SLC2A5: variants seen among roughly 807,000 people sequenced by gnomAD.
SLC2A5 encodes solute carrier family 2 member 5, also known as solute carrier family 2, facilitated glucose transporter member 5.
A neutral mutation model predicts 50.3 loss-of-function variants in SLC2A5; 56 were observed. That is an observed-to-expected ratio of 1.11 (90% CI 0.90 to 1.39). The LOEUF (loss-of-function observed/expected upper bound fraction) is 1.39. Among genes scored for constraint, SLC2A5 ranks in the 40% most tolerant of loss-of-function variants. The pLI is 0.00. For synonymous variants in SLC2A5, 269 were observed against 281.9 expected, an observed-to-expected ratio of 0.95 and a Z score of 0.46; for missense variants, 566 against 650.1, an observed-to-expected ratio of 0.87 and a Z score of 1.41.
intron 3 of SLC2A5, among the ~76,000 whole-genome samples, chr1:9,049,700 A>G (rs751149300): frequency 3.0e-4 from 20 of 66,624 alleles, no homozygotes; most frequent in Non-Finnish European, 4.9e-4. Flanking sequence ...GACTCTGTCT[A>G]AAGAAAAAAA....
intron 4 of SLC2A5, among the ~76,000 whole-genome samples, chr1:9,043,879 G>A (rs1344173002): frequency 4.0e-5 from 6 of 151,672 alleles, no homozygotes; most frequent in Admixed American, 1.3e-4. Context: ...CCGCCACCAC[G>A]CCTGGCTAAT....
chr1:9,081,498 A>G (rs1164250008), intron 2 of SLC2A5, among the ~76,000 whole-genome samples: 2 of 150,358 alleles, frequency 1.3e-5, no homozygotes, highest in African/African-American at 2.4e-5. Flanking sequence ...AAGTAAAAAG[A>G]CAAGAGACTA....
chr1:9,079,769 G>A (rs367708324), intron 2 of SLC2A5, among the ~76,000 whole-genome samples: 6 of 152,206 alleles, frequency 3.9e-5, no homozygotes, highest in Admixed American at 3.9e-4. Context: ...TTACAGGCGT[G>A]AGCCACCACG....
intron 1 of SLC2A5, among the ~76,000 whole-genome samples, chr1:9,058,649 A>G (rs770594710): frequency 3.9e-5 from 6 of 152,238 alleles, no homozygotes; most frequent in Non-Finnish European, 7.3e-5. Context: ...CTAACACTGC[A>G]GCTACTGCAG....
upstream of SLC2A5, chr1:9,073,122 T>C (rs1322772800): frequency 1.3e-5 from 2 of 152,194 alleles, no homozygotes; most frequent in Admixed American, 1.3e-4. Flanking sequence ...GACCAGACAA[T>C]GATACCAGGA....
intron 1 of SLC2A5, among the ~76,000 whole-genome samples, chr1:9,066,977 C>CA (rs1275310444): frequency 7.2e-6 from 1 of 138,520 alleles, no homozygotes; most frequent in Non-Finnish European, 1.6e-5. Context: ...GACCCTGTCT[C>CA]AAAATTAAAA....
chr1:9,042,372 G>T (rs1641324926), intron 4 of SLC2A5, among the ~76,000 whole-genome samples: 3 of 152,058 alleles, frequency 2.0e-5, no homozygotes, highest in African/African-American at 7.2e-5. Flanking sequence ...ACCAGCCTGG[G>T]CAACATAGTG....
upstream of SLC2A5, chr1:9,071,668 A>T (rs1642213671): frequency 6.6e-6 from 1 of 152,246 alleles, no homozygotes; most frequent in Non-Finnish European, 1.5e-5. Flanking sequence ...TGCGGGCCGC[A>T]GTACCCGGTT....
chr1:9,064,780 G>A (rs570869737), intron 1 of SLC2A5, among the ~76,000 whole-genome samples: 1 of 152,196 alleles, frequency 6.6e-6, no homozygotes, highest in South Asian at 2.1e-4. Flanking sequence ...GGCCAGGCGC[G>A]GTGGCTCACA....
At chr1:9,051,716 G>A (rs1228753279) in intron 3 of SLC2A5, among the ~76,000 whole-genome samples, 1 of 152,154 alleles carries the variant, frequency 6.6e-6, no homozygotes, top group Non-Finnish European at 1.5e-5. Context: ...AGACAGTTTG[G>A]CAGTTTCCTA....
At chr1:9,079,037 C>T (rs114500831) in intron 2 of SLC2A5, among the ~76,000 whole-genome samples, 1,824 of 152,248 alleles carry the variant, frequency 0.012, 42 homozygotes, top group African/African-American at 0.041. Flanking sequence ...TGCCCACGCG[C>T]GGTGTCTCCC....
chr1:9,055,976 G>A (rs1056370465), intron 3 of SLC2A5, among the ~76,000 whole-genome samples: 8 of 152,272 alleles, frequency 5.3e-5, no homozygotes, highest in Non-Finnish European at 8.8e-5. Flanking sequence ...TAGCCAAATA[G>A]TGTTTATCAG....
Position 9,039,878 on chromosome 1 carries a change from G to A in SLC2A5, c.807C>T (p.Phe269=), listed in dbSNP as rs749076748. The change falls in exon 7 of 12, where the codon TTC becomes TTT. Residue 269 remains phenylalanine, a synonymous_variant. Coordinates refer to ENST00000377424, the MANE Select transcript of SLC2A5 (RefSeq NM_003039.3). ...AAGFISVLKL[F]RMRSLRWQLL... is the part of the protein sequence containing the mutation. ...GCTGCCAGCGCAGCGAGCGCATCCG[G>A]AACAGCTTCAGCACGGAGATGAAGC... 1 of 1,612,602 alleles carries A rather than the reference G, an allele frequency of 6.2e-7. No homozygotes were observed. Among genetic ancestry groups the A allele is most frequent in the South Asian group, 1.1e-5 (1 of 91,054 alleles).
intron 3 of SLC2A5, 104 bp from the exon 4 acceptor site, chr1:9,047,838 A>C (rs1224872836): frequency 1.6e-6 from 2 of 1,237,996 alleles, no homozygotes; most frequent in African/African-American, 3.0e-5. Flanking sequence ...CAGTTACAGC[A>C]GCTTTACTGC....
chr1:9,067,296 TC>T (rs1291271813), intron 1 of SLC2A5, among the ~76,000 whole-genome samples: 3 of 152,064 alleles, frequency 2.0e-5, no homozygotes, highest in Non-Finnish European at 4.4e-5. Flanking sequence ...GGGAAGCCCA[TC>T]CCCACCTTCA....
At chr1:9,041,158 G>A (rs540560326) in intron 5 of SLC2A5, 123 of 378,106 alleles carry the variant, frequency 3.3e-4, no homozygotes, top group Non-Finnish European at 4.4e-4. Context: ...GAACCCTGGC[G>A]GGAACTGGCT....
At chr1:9,046,555 T>C (rs936044088) in intron 4 of SLC2A5, among the ~76,000 whole-genome samples, 2 of 152,160 alleles carry the variant, frequency 1.3e-5, no homozygotes, top group Non-Finnish European at 2.9e-5. Context: ...GTGGCACTGT[T>C]AGCACCTTTC....
intron 3 of SLC2A5, among the ~76,000 whole-genome samples, chr1:9,057,222 G>A (rs1393565803): frequency 6.6e-6 from 1 of 150,926 alleles, no homozygotes; most frequent in Non-Finnish European, 1.5e-5. Flanking sequence ...GGAGGCGGAG[G>A]TTGCGGTGAG....
At chr1:9,078,046 A>T (rs577978161) in intron 2 of SLC2A5, among the ~76,000 whole-genome samples, 2 of 152,296 alleles carry the variant, frequency 1.3e-5, no homozygotes, top group South Asian at 4.1e-4. Flanking sequence ...CAAGGGGAGG[A>T]TTATCCACTA....
Sources: gnomAD v4.1 joint callset for allele counts (sites outside exome capture counted in the v4.1 genomes callset) on GRCh38, gnomAD v4.1.1 for gene constraint, MANE v1.5 for transcripts, NCBI Gene and HGNC (gene_info 2026-07-23, HGNC 2026-07-21) for gene names.